RANBP2: variants seen among roughly 807,000 people sequenced by gnomAD.
RANBP2 encodes the protein E3 SUMO-protein ligase RanBP2.
A neutral mutation model predicts 303.6 loss-of-function variants in RANBP2; 57 were observed. That is an observed-to-expected ratio of 0.19 (90% CI 0.15 to 0.23). The LOEUF (loss-of-function observed/expected upper bound fraction) is 0.23, where lower values mean the gene tolerates loss of function less well. Ranked by LOEUF, RANBP2 falls within the 10% of genes least tolerant of loss-of-function variation. The pLI, the probability that RANBP2 is intolerant of heterozygous loss-of-function variation, is 1.00. For missense variants in RANBP2, 3,138 were observed against 3,780.8 expected, an observed-to-expected ratio of 0.83 and a Z score of 4.46; for synonymous variants, 1,167 against 1,301.5, an observed-to-expected ratio of 0.90 and a Z score of 2.23.
At chr2:109,680,652 A>AC in the RANBP2 span, among the ~76,000 whole-genome samples, 1 of 152,104 alleles carries the variant, frequency 6.6e-6, no homozygotes, top group Non-Finnish European at 1.5e-5. Flanking sequence ...CGCTGAGCTG[A>AC]CCCCCAGGGC....
At chr2:109,426,323 A>G in the RANBP2 span, among the ~76,000 whole-genome samples, 3 of 152,232 alleles carry the variant, frequency 2.0e-5, no homozygotes, top group Admixed American at 6.5e-5. Context: ...GCCATTATGA[A>G]CATTTGTGAT....
chr2:109,328,963 C>T, the RANBP2 span, among the ~76,000 whole-genome samples: 12 of 152,192 alleles, frequency 7.9e-5, no homozygotes, highest in South Asian at 2.1e-4. Context: ...AGCTTGGCCA[C>T]GTCCTTCCTC....
Position 108,772,514 on chromosome 2 carries a change from G to C in RANBP2, c.8046G>C (p.Lys2682Asn). The part of the protein sequence containing the change: ...EDDEDFETAV[K>N]KLNGKLYLDG... ...ATGAAGATTTCGAAACAGCTGTCAA[G>C]AAACTTAATGGAAAACTATATTTGG... is the stretch of plus-strand genomic sequence containing the variant. Residue 2682 changes from lysine to asparagine, a missense_variant, in exon 22 of 29, where the codon AAG (lysine) becomes AAC (asparagine). Transcript: ENST00000283195. The C allele has an allele frequency of 6.2e-7, 1 of 1,613,614 alleles. No homozygotes were observed. The highest frequency in any genetic ancestry group is 8.5e-7 in the Non-Finnish European group (1 of 1,179,756).
the RANBP2 span, among the ~76,000 whole-genome samples, chr2:109,391,326 A>C: frequency 6.6e-6 from 1 of 152,344 alleles, no homozygotes; most frequent in South Asian, 2.1e-4. Context: ...GACGGGGACC[A>C]GGGCTAGAAT....
the RANBP2 span, among the ~76,000 whole-genome samples, chr2:109,162,622 A>G: frequency 1.3e-5 from 2 of 152,090 alleles, no homozygotes; most frequent in South Asian, 4.1e-4. Flanking sequence ...AATCCAGTCT[A>G]TCATTGTTGG....
At chr2:109,105,504 C>T in the RANBP2 span, among the ~76,000 whole-genome samples, 1 of 152,172 alleles carries the variant, frequency 6.6e-6, no homozygotes, top group East Asian at 1.9e-4. Context: ...TGTTTGACCA[C>T]CTTCCAGGTA....
At chr2:108,910,438 G>A in the RANBP2 span, 1 of 1,602,784 alleles carries the variant, frequency 6.2e-7, no homozygotes, top group Non-Finnish European at 8.5e-7. Context: ...GCTTCAGCTT[G>A]GTGCTGGGGG....
At chr2:109,367,130 T>C in the RANBP2 span, among the ~76,000 whole-genome samples, 3 of 150,250 alleles carry the variant, frequency 2.0e-5, no homozygotes, top group East Asian at 5.9e-4. Flanking sequence ...TTTTTTTTTT[T>C]TTTTTTTTTT....
chr2:109,438,069 A>G, the RANBP2 span, among the ~76,000 whole-genome samples: 1 of 152,226 alleles, frequency 6.6e-6, no homozygotes, highest in Non-Finnish European at 1.5e-5. Flanking sequence ...AATAAAATAT[A>G]CTATTTCTTA....
At chr2:109,121,116 C>T in the RANBP2 span, among the ~76,000 whole-genome samples, 1 of 152,088 alleles carries the variant, frequency 6.6e-6, no homozygotes, top group Admixed American at 6.5e-5. Flanking sequence ...GACAAGGTGG[C>T]AGGCGCCTGT....
the RANBP2 span, among the ~76,000 whole-genome samples, chr2:109,012,866 A>ATGG: frequency 3.5e-4 from 54 of 152,294 alleles, no homozygotes; most frequent in Middle Eastern, 3.4e-3. Context: ...GTGAGCAGAG[A>ATGG]CCAGGCCACT....
At chr2:109,607,089 C>G in the RANBP2 span, among the ~76,000 whole-genome samples, 1 of 152,202 alleles carries the variant, frequency 6.6e-6, no homozygotes, top group Non-Finnish European at 1.5e-5. Context: ...TAATCCATGG[C>G]CATCGCTTCG....
At chr2:109,153,622 G>A in the RANBP2 span, among the ~76,000 whole-genome samples, 1 of 152,254 alleles carries the variant, frequency 6.6e-6, no homozygotes, top group Non-Finnish European at 1.5e-5. Context: ...CGCTGTGAAA[G>A]AGTGTGGCAT....
At chr2:109,050,836 CCA>C in the RANBP2 span, among the ~76,000 whole-genome samples, 1 of 152,048 alleles carries the variant, frequency 6.6e-6, no homozygotes, top group East Asian at 1.9e-4. Flanking sequence ...ATAATTGCAT[CCA>C]CACTACAAAA....
the RANBP2 span, among the ~76,000 whole-genome samples, chr2:108,849,799 T>C: frequency 1.4e-4 from 21 of 152,230 alleles, no homozygotes. Context: ...CCTGTGGGGT[T>C]CCAGTGTTCA....
the RANBP2 span, among the ~76,000 whole-genome samples, chr2:109,621,560 A>AAAAACAGAAT: frequency 6.6e-6 from 1 of 152,072 alleles, no homozygotes; most frequent in Non-Finnish European, 1.5e-5. Flanking sequence ...ATAATTGAGC[A>AAAAACAGAAT]TTCTTGAGAT....
the RANBP2 span, among the ~76,000 whole-genome samples, chr2:108,858,611 A>G: frequency 1.3e-5 from 2 of 151,942 alleles, no homozygotes; most frequent in African/African-American, 4.8e-5. Context: ...TGTAGCAAAT[A>G]CTTCTTTAGC....
chr2:109,297,112 G>C, the RANBP2 span, among the ~76,000 whole-genome samples: 1 of 151,972 alleles, frequency 6.6e-6, no homozygotes, highest in Non-Finnish European at 1.5e-5. Context: ...GCCCAATACG[G>C]CTCCACAGAG....
chr2:108,764,571 T>G lies in RANBP2; in HGVS notation c.4032T>G (p.Phe1344Leu). The change falls in exon 20 of 29, where the codon TTT becomes TTG. Residue 1344 changes from phenylalanine to leucine, a missense_variant. This residue lies in a region of RANBP2 where 388 missense variants were observed against 328.5 expected (regional missense o/e 1.18). Transcript: ENST00000283195. ...AATCTGATGCTGGAAACCTGAATTT[T>G]GAATTTCAGGTTGCAAAGAAAGAAG... Reference protein sequence around the residue: ...ICKSDAGNLNFEFQVAKKEGS... With the variant: ...ICKSDAGNLNLEFQVAKKEGS... The G allele has an allele frequency of 6.2e-7, 1 of 1,613,970 alleles. No homozygotes were observed. The highest frequency in any genetic ancestry group is 8.5e-7 in the Non-Finnish European group (1 of 1,179,970).
Sources: allele counts gnomAD v4.1 joint callset (sites outside exome capture counted in the v4.1 genomes callset), GRCh38; gene constraint gnomAD v4.1.1; regional missense constraint gnomAD v4.1.1; transcripts MANE v1.5; gene names NCBI Gene and HGNC (gene_info 2026-07-23, HGNC 2026-07-21).